Variants in PTPRD observed in about 807,000 individuals in gnomAD.
PTPRD encodes the protein protein tyrosine phosphatase receptor type D.
PTPRD carries 34 observed loss-of-function variants against 214.5 expected under a neutral mutation model. The observed-to-expected ratio is 0.16, with a 90% CI of 0.12 to 0.21. The LOEUF (loss-of-function observed/expected upper bound fraction) is 0.21. Ranked by LOEUF, PTPRD falls within the 10% of genes least tolerant of loss-of-function variation. The pLI, the probability that PTPRD is intolerant of heterozygous loss-of-function variation, is 1.00. For missense variants in PTPRD, 2,545 were observed against 2,398.7 expected, an observed-to-expected ratio of 1.06 and a Z score of -1.27; for synonymous variants, 1,128 against 845.7, an observed-to-expected ratio of 1.33 and a Z score of -5.79.
intron 5 of PTPRD, among the ~76,000 whole-genome samples, chr9:9,852,943 T>C (rs563362005): frequency 7.2e-5 from 11 of 152,308 alleles, no homozygotes; most frequent in Non-Finnish European, 1.2e-4. Context: ...GGATATCTAA[T>C]GGTGTTCCAC....
chr9:10,175,841 T>C (rs190838428), intron 3 of PTPRD, among the ~76,000 whole-genome samples: 3 of 152,022 alleles, frequency 2.0e-5, no homozygotes, highest in African/African-American at 7.2e-5. Context: ...TGTCTGGAAT[T>C]AGAAAGAAAA....
At chr9:8,460,720 G>C in intron 32 of PTPRD, 149 bp from the exon 33 acceptor site, 31 of 643,652 alleles carry the variant, frequency 4.8e-5, no homozygotes, top group Non-Finnish European at 6.2e-5. Flanking sequence ...GGAGGGGAGA[G>C]GAGAATAAAG....
intron 2 of PTPRD, among the ~76,000 whole-genome samples, chr9:10,593,497 G>C (rs1323932079): frequency 6.6e-6 from 1 of 152,002 alleles, no homozygotes; most frequent in African/African-American, 2.4e-5. Context: ...CATATTAATA[G>C]ACTGGTTAAA....
chr9:9,676,197 A>G (rs554087660), intron 7 of PTPRD, among the ~76,000 whole-genome samples: 2 of 152,146 alleles, frequency 1.3e-5, no homozygotes, highest in South Asian at 4.1e-4. Context: ...ACGTATGTAT[A>G]CATGTGCCAT....
rs569881352 is a variant in PTPRD, at chr9:8,846,062, G to T, written c.-103-112116C>A. Among the ~76,000 whole-genome samples, 18 of 152,314 alleles carry T rather than the reference G, an allele frequency of 1.2e-4. No homozygotes were observed. The South Asian group carries it at 3.7e-3, about 32-fold the overall frequency. ...CTGGGAATTGCTACCACAGCCAGAT[G>T]TAAAGGCAGATTTGTCTTGTCTAGT... On this transcript the variant is annotated intron_variant, in intron 11 of 45. Coordinates refer to ENST00000381196, the MANE Select transcript of PTPRD (RefSeq NM_002839.4).
At chr9:10,117,005 C>T (rs1044247842) in intron 3 of PTPRD, among the ~76,000 whole-genome samples, 1 of 152,082 alleles carries the variant, frequency 6.6e-6, no homozygotes, top group Admixed American at 6.6e-5. Context: ...TACAATCTTG[C>T]TTCCCTTATG....
chr9:10,535,744 A>T (rs1424490764), intron 2 of PTPRD, among the ~76,000 whole-genome samples: 1 of 152,168 alleles, frequency 6.6e-6, no homozygotes, highest in African/African-American at 2.4e-5. Context: ...AGCTCATCTC[A>T]GTCTCATGAA....
At chr9:8,943,519 T>C (rs938477382) in intron 11 of PTPRD, among the ~76,000 whole-genome samples, 4 of 151,692 alleles carry the variant, frequency 2.6e-5, no homozygotes. Context: ...GAACATACAC[T>C]GTGGAAAGGA....
At chr9:9,990,793 C>G (rs2095885714) in intron 4 of PTPRD, among the ~76,000 whole-genome samples, 1 of 152,114 alleles carries the variant, frequency 6.6e-6, no homozygotes, top group African/African-American at 2.4e-5. Flanking sequence ...TCATGTTACC[C>G]TAAATACATT....
intron 9 of PTPRD, among the ~76,000 whole-genome samples, chr9:9,287,892 A>G (rs1457777678): frequency 6.6e-6 from 1 of 151,828 alleles, no homozygotes; most frequent in African/African-American, 2.4e-5. Flanking sequence ...GAGTTCATTT[A>G]TTAGTTCTCA....
At chr9:10,435,022 C>A (rs1338302986) in intron 2 of PTPRD, among the ~76,000 whole-genome samples, 1 of 151,872 alleles carries the variant, frequency 6.6e-6, no homozygotes, top group African/African-American at 2.4e-5. Context: ...ATACGAAACA[C>A]TAAACTGCGA....
At chr9:10,164,381 T>A (rs1195502760) in intron 3 of PTPRD, among the ~76,000 whole-genome samples, 1 of 151,568 alleles carries the variant, frequency 6.6e-6, no homozygotes, top group Non-Finnish European at 1.5e-5. Context: ...AGTCATGAGT[T>A]TTCCAGATTC....
chr9:8,857,751 A>G, intron 11 of PTPRD: 1 of 155,914 alleles, frequency 6.4e-6, no homozygotes, highest in Non-Finnish European at 1.4e-5. Flanking sequence ...CGGGCGGCCA[A>G]TTTAATCCCG....
chr9:8,535,300 T>C (rs2076659366), intron 14 of PTPRD, among the ~76,000 whole-genome samples: 1 of 151,978 alleles, frequency 6.6e-6, no homozygotes, highest in Non-Finnish European at 1.5e-5. Flanking sequence ...GAAATTATTC[T>C]ATGCAAATCA....
chr9:9,567,144 C>T (rs999795522), intron 8 of PTPRD, among the ~76,000 whole-genome samples: 1 of 151,938 alleles, frequency 6.6e-6, no homozygotes, highest in African/African-American at 2.4e-5. Flanking sequence ...AGGAGTGTGG[C>T]ATTTGAGCTG....
chr9:9,720,138 A>T (rs1297718472), intron 7 of PTPRD, among the ~76,000 whole-genome samples: 1 of 152,218 alleles, frequency 6.6e-6, no homozygotes, highest in Non-Finnish European at 1.5e-5. Flanking sequence ...AGATGTTTCC[A>T]GCTGGCAAAG....
At chr9:10,023,576 T>C (rs2096864943) in intron 4 of PTPRD, among the ~76,000 whole-genome samples, 1 of 152,130 alleles carries the variant, frequency 6.6e-6, no homozygotes, top group South Asian at 2.1e-4. Context: ...CTTCACATGA[T>C]CATGATCTCT....
chr9:8,857,348 C>T (rs944355870), intron 11 of PTPRD, among the ~76,000 whole-genome samples: 5 of 152,294 alleles, frequency 3.3e-5, no homozygotes, highest in African/African-American at 1.2e-4. Context: ...GAGGAGAGAG[C>T]GGGGGTCGCA....
intron 37 of PTPRD, among the ~76,000 whole-genome samples, chr9:8,383,383 G>A (rs1174279077): frequency 6.6e-6 from 1 of 152,080 alleles, no homozygotes; most frequent in Admixed American, 6.5e-5. Flanking sequence ...TGTTAACAAA[G>A]TGAAGTTAAC....
Sources: allele counts gnomAD v4.1 joint callset (sites outside exome capture counted in the v4.1 genomes callset), GRCh38; gene constraint gnomAD v4.1.1; transcripts MANE v1.5; gene names NCBI Gene and HGNC (gene_info 2026-07-23, HGNC 2026-07-21).